Variants in STXBP5 observed in about 807,000 individuals in gnomAD.
STXBP5 encodes the protein syntaxin-binding protein 5.
STXBP5 carries 50 observed loss-of-function variants against 152.4 expected under a neutral mutation model. The ratio of observed to expected loss-of-function variants is 0.33; its 90% CI spans 0.26 to 0.42. The LOEUF is 0.42. STXBP5 is among the 10% of genes least tolerant of loss of function. STXBP5 has a pLI of 1.00. For missense variants in STXBP5, 1,167 were observed against 1,388.6 expected (o/e 0.84, Z 2.54); for synonymous variants, 492 against 494.7 (o/e 0.99, Z 0.07).
Position 147,389,309 on chromosome 6 carries a change from A to G in STXBP5, c.*4554A>G, listed in dbSNP as rs922413118. 2 of 151,846 alleles carry G rather than the reference A, an allele frequency of 1.3e-5. No individual in the cohort carries two copies. Among genetic ancestry groups the G allele is most frequent in the Non-Finnish European group, 1.5e-5 (1 of 67,774 alleles). 9.4% of individuals were successfully genotyped at this position (151,846 alleles called of 1,614,324 possible). On this transcript the variant is annotated 3_prime_UTR_variant, in exon 28 of 28. Coordinates refer to ENST00000321680, the MANE Select transcript of STXBP5 (RefSeq NM_001127715.4). ...CAACCAAAAACAACCAAAAAAAGAA[A>G]AAAAGGGAAAACTGGCTTACCTTTC...
intron 7 of STXBP5, among the ~76,000 whole-genome samples, chr6:147,276,264 G>A (rs958522433): frequency 1.3e-5 from 2 of 152,108 alleles, no homozygotes; most frequent in Non-Finnish European, 1.5e-5. Context: ...AATTGTATAA[G>A]TAAATACTGC....
intron 26 of STXBP5, among the ~76,000 whole-genome samples, chr6:147,376,279 A>G (rs974673609): frequency 1.3e-5 from 2 of 152,326 alleles, no homozygotes; most frequent in African/African-American, 4.8e-5. Context: ...ATTGGCATTG[A>G]TAAGGACACA....
intron 4 of STXBP5, among the ~76,000 whole-genome samples, chr6:147,245,767 C>T (rs954131214): frequency 6.6e-6 from 1 of 152,152 alleles, no homozygotes; most frequent in Admixed American, 6.5e-5. Flanking sequence ...GACACAGAAA[C>T]TCAGACAATA....
intron 5 of STXBP5, 29 bp from the exon 6 acceptor site, chr6:147,262,261 G>GA (rs1779678601): frequency 2.1e-6 from 3 of 1,447,372 alleles, no homozygotes; most frequent in Middle Eastern, 2.0e-4. Flanking sequence ...TAACTGAAGA[G>GA]AAAATCTTAC....
intron 9 of STXBP5, among the ~76,000 whole-genome samples, chr6:147,294,572 T>C (rs1781426536): frequency 6.6e-6 from 1 of 152,102 alleles, no homozygotes; most frequent in Non-Finnish European, 1.5e-5. Flanking sequence ...AGTGGCAAGG[T>C]TGACCAAATT....
intron 4 of STXBP5, among the ~76,000 whole-genome samples, chr6:147,245,619 C>A (rs78850761): frequency 6.6e-6 from 1 of 152,130 alleles, no homozygotes; most frequent in Non-Finnish European, 1.5e-5. Flanking sequence ...AAAAGATAAT[C>A]TTAAAGTCCT....
At chr6:147,306,159 A>G (rs1782081443) in intron 9 of STXBP5, among the ~76,000 whole-genome samples, 1 of 152,204 alleles carries the variant, frequency 6.6e-6, no homozygotes, top group Admixed American at 6.5e-5. Context: ...CAGCATTTCC[A>G]GTCCATTAAG....
chr6:147,334,035 C>A lies in STXBP5; in HGVS notation c.2081-122C>A, dbSNP rs191304798. ...CCCAATGTGCATGGTATCAGTACCA[C>A]AGTCTGTTAATTTATTGGGTTCTTT... On this transcript the variant is annotated intron_variant, in intron 18 of 27. Transcript: ENST00000321680. The A allele has an allele frequency of 4.0e-4, 349 of 876,816 alleles. 2 individuals carry two copies. The East Asian group carries it at 9.0e-3, about 23-fold the overall frequency. 54.3% of individuals were successfully genotyped at this position (876,816 alleles called of 1,614,324 possible).
At chr6:147,263,667 G>A (rs1301160461) in intron 6 of STXBP5, among the ~76,000 whole-genome samples, 1 of 151,958 alleles carries the variant, frequency 6.6e-6, no homozygotes, top group Non-Finnish European at 1.5e-5. Context: ...GTTATGAACT[G>A]CTCTTTGATG....
intron 4 of STXBP5, among the ~76,000 whole-genome samples, chr6:147,252,233 C>T (rs758985088): frequency 6.6e-6 from 1 of 151,930 alleles, no homozygotes; most frequent in East Asian, 1.9e-4. Context: ...ATGAGTTTGA[C>T]GAATTGACAG....
chr6:147,260,552 A>G, intron 4 of STXBP5, 63 bp from the exon 5 acceptor site: 5 of 1,590,070 alleles, frequency 3.1e-6, no homozygotes, highest in Non-Finnish European at 4.3e-6. Context: ...TCAACCCTCT[A>G]ATGCAATTAG....
intron 2 of STXBP5, among the ~76,000 whole-genome samples, chr6:147,225,350 T>C (rs79107793): frequency 6.6e-6 from 1 of 152,318 alleles, no homozygotes; most frequent in East Asian, 1.9e-4. Flanking sequence ...TTGCAAGATA[T>C]AAATGTATTT....
intron 4 of STXBP5, among the ~76,000 whole-genome samples, chr6:147,247,354 G>T (rs551755988): frequency 6.6e-6 from 1 of 152,224 alleles, no homozygotes; most frequent in Admixed American, 6.5e-5. Context: ...GGCATGAAAT[G>T]ATGCCCAATC....
intron 4 of STXBP5, among the ~76,000 whole-genome samples, chr6:147,242,284 A>G (rs1282514326): frequency 6.6e-6 from 1 of 152,158 alleles, no homozygotes; most frequent in African/African-American, 2.4e-5. Context: ...TGTGTTTGTA[A>G]GTGAAGGGTT....
At chr6:147,343,118 G>A (rs1784165651) in intron 21 of STXBP5, among the ~76,000 whole-genome samples, 2 of 152,066 alleles carry the variant, frequency 1.3e-5, no homozygotes, top group South Asian at 4.1e-4. Context: ...AGAAATAATA[G>A]CTTCATTTAT....
intron 9 of STXBP5, among the ~76,000 whole-genome samples, chr6:147,305,556 T>A (rs1325491143): frequency 6.6e-6 from 1 of 152,202 alleles, no homozygotes; most frequent in Non-Finnish European, 1.5e-5. Flanking sequence ...ACATATAATC[T>A]GCAAAATAAA....
rs543633440 is a variant in STXBP5, at chr6:147,269,630, A to G, written c.714+2463A>G. Among the ~76,000 whole-genome samples, 226 of 152,318 alleles carry G rather than the reference A, an allele frequency of 1.5e-3. 2 individuals are homozygous for G. The highest frequency in any genetic ancestry group is 5.3e-3 in the African/African-American group (221 of 41,568). The stretch of plus-strand genomic sequence containing the variant: ...AGACTCCATATGCTTAAGAAGGTAG[A>G]TGAAAGTATGAACATGTTGAAAAAA... On this transcript the variant is annotated intron_variant, in intron 7 of 27. Transcript: ENST00000321680.
At chr6:147,363,740 C>T (rs373684412) in intron 24 of STXBP5, 36 bp downstream of exon 24, 82 of 1,560,064 alleles carry the variant, frequency 5.3e-5, no homozygotes, top group Non-Finnish European at 6.8e-5. Context: ...ACAGATATAG[C>T]ATTTCCTCCC....
chr6:147,347,861 C>T (rs1378772689), intron 21 of STXBP5, among the ~76,000 whole-genome samples: 2 of 152,100 alleles, frequency 1.3e-5, no homozygotes, highest in East Asian at 1.9e-4. Flanking sequence ...TCACAAGTGT[C>T]TGCAAATATT....
Sources: allele counts gnomAD v4.1 joint callset (sites outside exome capture counted in the v4.1 genomes callset), GRCh38; gene constraint gnomAD v4.1.1; transcripts MANE v1.5; gene names NCBI Gene and HGNC (gene_info 2026-07-23, HGNC 2026-07-21).